The following FAM168A variants were observed in gnomAD, a reference collection of about 807,000 sequenced individuals.
The protein encoded by FAM168A is protein FAM168A.
In FAM168A, 3 loss-of-function variants were observed where a neutral mutation model predicts 28.5. The ratio of observed to expected loss-of-function variants is 0.11; its 90% CI spans 0.05 to 0.27. The LOEUF (loss-of-function observed/expected upper bound fraction) is 0.27, where lower values mean the gene tolerates loss of function less well. Among genes scored for constraint, FAM168A ranks in the 10% least tolerant of loss-of-function variants. The pLI is 1.00. For synonymous variants in FAM168A, 122 were observed against 124.2 expected, an observed-to-expected ratio of 0.98 and a Z score of 0.12; for missense variants, 222 against 311.5, an observed-to-expected ratio of 0.71 and a Z score of 2.16.
At chr11:73,470,473 T>G (rs1229060956) in intron 1 of FAM168A, among the ~76,000 whole-genome samples, 1 of 152,186 alleles carries the variant, frequency 6.6e-6, no homozygotes. Flanking sequence ...GTAATTAAGA[T>G]GTGGGACTGT....
chr11:73,577,081 T>G (rs1038397185), intron 1 of FAM168A, among the ~76,000 whole-genome samples: 4 of 152,180 alleles, frequency 2.6e-5, no homozygotes, highest in Admixed American at 2.0e-4. Flanking sequence ...CATCACGGAA[T>G]AGAGAAGGCA....
chr11:73,597,626 C>A (rs1329125031), intron 1 of FAM168A, among the ~76,000 whole-genome samples: 2 of 151,896 alleles, frequency 1.3e-5, no homozygotes, highest in Non-Finnish European at 2.9e-5. Flanking sequence ...CGCCCCAAGA[C>A]CATCCCGAAT....
At chr11:73,509,817 C>T (rs1169453159) in intron 1 of FAM168A, among the ~76,000 whole-genome samples, 1 of 152,132 alleles carries the variant, frequency 6.6e-6, no homozygotes, top group African/African-American at 2.4e-5. Flanking sequence ...TTTCCCTCCA[C>T]AAATTTTATG....
At chr11:73,466,493 T>C (rs1318112715) in intron 2 of FAM168A, among the ~76,000 whole-genome samples, 2 of 152,192 alleles carry the variant, frequency 1.3e-5, no homozygotes, top group Non-Finnish European at 2.9e-5. Context: ...TTATGATTAA[T>C]GAAATTATAA....
At chr11:73,450,457 A>G (rs1867406364) in intron 2 of FAM168A, among the ~76,000 whole-genome samples, 1 of 152,330 alleles carries the variant, frequency 6.6e-6, no homozygotes. Flanking sequence ...CATTTCTAGT[A>G]GGTTTGTAGG....
chr11:73,538,604 A>C (rs1424160327), intron 1 of FAM168A, among the ~76,000 whole-genome samples: 1 of 152,230 alleles, frequency 6.6e-6, no homozygotes, highest in Non-Finnish European at 1.5e-5. Context: ...CTAGGAACTA[A>C]AGAAATCTTT....
At chr11:73,472,995 C>T (rs1481102093) in intron 1 of FAM168A, among the ~76,000 whole-genome samples, 1 of 151,900 alleles carries the variant, frequency 6.6e-6, no homozygotes, top group East Asian at 1.9e-4. Context: ...CAAACATTAC[C>T]TCTTTGGTGG....
intron 1 of FAM168A, among the ~76,000 whole-genome samples, chr11:73,487,776 AC>A (rs1868073068): frequency 6.6e-6 from 1 of 152,022 alleles, no homozygotes; most frequent in Non-Finnish European, 1.5e-5. Flanking sequence ...CCATCTCTTA[AC>A]TTTCTAGTTT....
intron 1 of FAM168A, among the ~76,000 whole-genome samples, chr11:73,517,232 T>C (rs1005949626): frequency 2.6e-5 from 4 of 152,284 alleles, no homozygotes; most frequent in Middle Eastern, 6.8e-3. Flanking sequence ...AAATTTTTTG[T>C]AGAGACATTG....
At chr11:73,470,270 G>T (rs547057577) in intron 1 of FAM168A, among the ~76,000 whole-genome samples, 22 of 152,302 alleles carry the variant, frequency 1.4e-4, no homozygotes, top group African/African-American at 4.3e-4. Flanking sequence ...AAACAATGAT[G>T]ATGTGGCAAT....
chr11:73,469,670 C>T (rs1484781923), intron 1 of FAM168A, among the ~76,000 whole-genome samples: 1 of 152,086 alleles, frequency 6.6e-6, no homozygotes, highest in Non-Finnish European at 1.5e-5. Context: ...GGCAAACTAC[C>T]CCAGGGCAAC....
chr11:73,498,724 A>G (rs1268431538), intron 1 of FAM168A, among the ~76,000 whole-genome samples: 6 of 152,302 alleles, frequency 3.9e-5, no homozygotes, highest in Admixed American at 2.6e-4. Flanking sequence ...CTTGTCCCAC[A>G]GCCCAACACA....
At chr11:73,474,134 T>G (rs539030313) in intron 1 of FAM168A, among the ~76,000 whole-genome samples, 28 of 152,228 alleles carry the variant, frequency 1.8e-4, no homozygotes, top group South Asian at 1.0e-3. Context: ...ATATCTATTT[T>G]AGTCTGTTTT....
rs780041365 is a variant in FAM168A, at chr11:73,404,074, C to T, written c.*2689G>A. On this transcript the variant is annotated 3_prime_UTR_variant, in exon 8 of 8. Transcript: ENST00000356467. ...CTTATGGATCAAATAGGAGAAATAA[C>T]CTCTATTTCATCGGGTTAAACCAGA... 1.3e-5 allele frequency: 2 copies of T among 152,166 alleles called. No homozygotes were observed. The highest frequency in any genetic ancestry group is 2.9e-5 in the Non-Finnish European group (2 of 68,014). 9.4% of individuals were successfully genotyped at this position (152,166 alleles called of 1,614,324 possible). A position where few individuals can be genotyped will look rare whatever the true frequency, so the allele number is the denominator to read the frequency against.
chr11:73,519,964 A>G (rs1555031561), intron 1 of FAM168A, among the ~76,000 whole-genome samples: 1 of 151,842 alleles, frequency 6.6e-6, no homozygotes, highest in Non-Finnish European at 1.5e-5. Context: ...CAGTACATAG[A>G]TTTTTGAAGC....
At chr11:73,446,696 T>C (rs1490742199) in intron 2 of FAM168A, among the ~76,000 whole-genome samples, 2 of 152,234 alleles carry the variant, frequency 1.3e-5, no homozygotes, top group Non-Finnish European at 2.9e-5. Flanking sequence ...TACTGAAAGC[T>C]AGACACTGTT....
intron 1 of FAM168A, among the ~76,000 whole-genome samples, chr11:73,475,810 G>C (rs1590803740): frequency 6.6e-6 from 1 of 152,182 alleles, no homozygotes; most frequent in Non-Finnish European, 1.5e-5. Context: ...AGGCTAAAAG[G>C]ACTACTGCAA....
chr11:73,515,063 C>T (rs1943283026), intron 1 of FAM168A, among the ~76,000 whole-genome samples: 1 of 152,206 alleles, frequency 6.6e-6, no homozygotes, highest in African/African-American at 2.4e-5. Flanking sequence ...TAGCTCCCCA[C>T]AACCACCTCA....
At chr11:73,540,157 A>T (rs1195896466) in intron 1 of FAM168A, among the ~76,000 whole-genome samples, 1 of 152,240 alleles carries the variant, frequency 6.6e-6, no homozygotes, top group African/African-American at 2.4e-5. Flanking sequence ...CCTGGCATAA[A>T]ATAAGAACTT....
Sources: allele counts gnomAD v4.1 joint callset (sites outside exome capture counted in the v4.1 genomes callset), GRCh38; gene constraint gnomAD v4.1.1; transcripts MANE v1.5; gene names NCBI Gene and HGNC (gene_info 2026-07-23, HGNC 2026-07-21).